CTNNA3: variants seen among roughly 807,000 people sequenced by gnomAD.
CTNNA3 encodes the protein catenin alpha-3.
In CTNNA3, 76 loss-of-function variants were observed where a neutral mutation model predicts 95.7. The observed-to-expected ratio is 0.79, with a 90% confidence interval of 0.66 to 0.96. The LOEUF (loss-of-function observed/expected upper bound fraction) is 0.96, where lower values mean the gene tolerates loss of function less well. Among genes scored for constraint, CTNNA3 ranks in the 40% least tolerant of loss-of-function variants. The pLI is 0.00. For missense variants in CTNNA3, 1,191 were observed against 1,089.8 expected, an observed-to-expected ratio of 1.09 and a Z score of -1.31; for synonymous variants, 431 against 374.4, an observed-to-expected ratio of 1.15 and a Z score of -1.74.
intron 6 of CTNNA3, among the ~76,000 whole-genome samples, chr10:67,204,258 G>A (rs1863786362): frequency 6.6e-6 from 1 of 152,072 alleles, no homozygotes; most frequent in Non-Finnish European, 1.5e-5. Context: ...TTGGCGGGAG[G>A]TGATTAGATC....
At chr10:67,459,561 C>G (rs1196186073) in intron 5 of CTNNA3, among the ~76,000 whole-genome samples, 1 of 152,154 alleles carries the variant, frequency 6.6e-6, no homozygotes, top group Non-Finnish European at 1.5e-5. Flanking sequence ...TTCATAGTAA[C>G]ACTTCTGTTG....
intron 9 of CTNNA3, among the ~76,000 whole-genome samples, chr10:66,656,048 C>A (rs1161492799): frequency 6.6e-6 from 1 of 151,966 alleles, no homozygotes; most frequent in African/African-American, 2.4e-5. Context: ...AATTTTAGTA[C>A]ACGGCCAGTA....
chr10:67,484,890 C>A (rs950028642), intron 5 of CTNNA3, among the ~76,000 whole-genome samples: 3 of 152,104 alleles, frequency 2.0e-5, no homozygotes, highest in Non-Finnish European at 2.9e-5. Context: ...TAGTTCAACC[C>A]CTGTGGAAAG....
upstream of CTNNA3, among the ~76,000 whole-genome samples, chr10:67,700,970 G>A (rs866281292): frequency 4.6e-5 from 7 of 152,192 alleles, no homozygotes; most frequent in African/African-American, 1.2e-4. Context: ...CGAGAACTAC[G>A]TGAAGAACGC....
intron 13 of CTNNA3, 67 bp from the exon 14 acceptor site, chr10:66,103,316 G>A (rs1042859655): frequency 3.7e-5 from 45 of 1,219,700 alleles, no homozygotes; most frequent in South Asian, 2.6e-4. Context: ...AAAACAACGC[G>A]GCAGTACCTT....
intron 11 of CTNNA3, among the ~76,000 whole-genome samples, chr10:66,514,727 A>C (rs989262819): frequency 3.9e-5 from 6 of 152,150 alleles, no homozygotes; most frequent in Non-Finnish European, 8.8e-5. Context: ...CGAAGGAATA[A>C]ATAAAAGAAA....
At chr10:67,293,796 T>G (rs1049002435) in intron 5 of CTNNA3, among the ~76,000 whole-genome samples, 2 of 151,854 alleles carry the variant, frequency 1.3e-5, no homozygotes, top group African/African-American at 4.8e-5. Context: ...GATAGTTTGC[T>G]GAGAATGATG....
chr10:66,294,393 T>A (rs1015825363), intron 12 of CTNNA3, among the ~76,000 whole-genome samples: 1 of 152,162 alleles, frequency 6.6e-6, no homozygotes, highest in Non-Finnish European at 1.5e-5. Flanking sequence ...CCACACTCAA[T>A]CGCTGTTACA....
chr10:65,924,160 T>A (rs957109091), intron 17 of CTNNA3, among the ~76,000 whole-genome samples: 2 of 152,164 alleles, frequency 1.3e-5, no homozygotes, highest in African/African-American at 4.8e-5. Flanking sequence ...CAGCCCTAAT[T>A]AAACAGATTC....
chr10:67,585,189 T>G (rs1842583758), intron 3 of CTNNA3, among the ~76,000 whole-genome samples: 1 of 152,218 alleles, frequency 6.6e-6, no homozygotes, highest in African/African-American at 2.4e-5. Context: ...TTGGCCATCT[T>G]GGAACCCTTA....
chr10:66,317,988 A>G (rs1420293047), intron 12 of CTNNA3, among the ~76,000 whole-genome samples: 3 of 152,108 alleles, frequency 2.0e-5, no homozygotes, highest in Non-Finnish European at 2.9e-5. Context: ...CAAAAGACAA[A>G]GCAAAATATG....
At chr10:66,191,480 T>C (rs72795380) in intron 13 of CTNNA3, among the ~76,000 whole-genome samples, 7,209 of 152,140 alleles carry the variant, frequency 0.047, 215 homozygotes, top group African/African-American at 0.066. Flanking sequence ...AAAGGCCTAA[T>C]CATGCAGAAA....
Position 65,912,833 on chromosome 10 carries a change from G to C in CTNNA3, c.*7497C>G, listed in dbSNP as rs768513798. 32 of 152,052 alleles carry C rather than the reference G, an allele frequency of 2.1e-4. No homozygotes were observed. The highest frequency in any genetic ancestry group is 1.4e-3 in the South Asian group (7 of 4,830). 9.4% of individuals were successfully genotyped at this position (152,052 alleles called of 1,614,324 possible). A position where few individuals can be genotyped will look rare whatever the true frequency, so the allele number is the denominator to read the frequency against. ...GATAAATATTTCATTTTTATTGATTGGCAAAAATACTTTAAGGATAAATAT... is the reference window on the plus strand; with the variant it reads ...GATAAATATTTCATTTTTATTGATTCGCAAAAATACTTTAAGGATAAATAT... On this transcript the variant is annotated 3_prime_UTR_variant, in exon 18 of 18. Coordinates refer to ENST00000433211, the MANE Select transcript of CTNNA3 (RefSeq NM_013266.4).
At chr10:66,866,847 T>C (rs1844198774) in intron 7 of CTNNA3, among the ~76,000 whole-genome samples, 1 of 152,192 alleles carries the variant, frequency 6.6e-6, no homozygotes, top group Non-Finnish European at 1.5e-5. Context: ...GGCTGTGTCC[T>C]CTCCCATACT....
At chr10:66,544,922 A>T (rs147066280) in intron 10 of CTNNA3, among the ~76,000 whole-genome samples, 1 of 152,254 alleles carries the variant, frequency 6.6e-6, no homozygotes, top group Admixed American at 6.5e-5. Context: ...GTTTGGGAAA[A>T]GATTTATGTA....
chr10:66,198,548 G>A (rs2087112598), intron 13 of CTNNA3, among the ~76,000 whole-genome samples: 1 of 151,948 alleles, frequency 6.6e-6, no homozygotes, highest in African/African-American at 2.4e-5. Flanking sequence ...GCTAGACTGT[G>A]AATAATAATA....
At chr10:66,206,472 C>T (rs1294876043) in intron 13 of CTNNA3, among the ~76,000 whole-genome samples, 1 of 151,832 alleles carries the variant, frequency 6.6e-6, no homozygotes, top group Non-Finnish European at 1.5e-5. Flanking sequence ...TAGATTCATA[C>T]ACTTGAGTAT....
chr10:67,509,433 C>T (rs1291057131), intron 5 of CTNNA3, among the ~76,000 whole-genome samples: 1 of 152,108 alleles, frequency 6.6e-6, no homozygotes, highest in African/African-American at 2.4e-5. Flanking sequence ...TAAGTGAGAA[C>T]ATGTGGTGTT....
Position 67,761,296 on chromosome 10 carries a change from C to T in CTNNA3, c.-2+2138G>A, listed in dbSNP as rs151137862. On this transcript the variant is annotated intron_variant, in intron 1 of 17. Coordinates refer to the CTNNA3 transcript ENST00000684154. ...ACTTGGGCAAGCTATTCATGGGCCA[C>T]GGTTTCCTGCCTGTAGATGAAGAGA... Among the ~76,000 whole-genome samples, 617 of 152,276 alleles carry T rather than the reference C, an allele frequency of 4.1e-3. 6 individuals are homozygous for T. The highest frequency in any genetic ancestry group is 0.014 in the African/African-American group (582 of 41,542).
Sources: gnomAD v4.1 joint callset for allele counts (sites outside exome capture counted in the v4.1 genomes callset) on GRCh38, gnomAD v4.1.1 for gene constraint, MANE v1.5 for transcripts, NCBI Gene and HGNC (gene_info 2026-07-23, HGNC 2026-07-21) for gene names.